Variants in KLRG1 observed in about 807,000 individuals in gnomAD.
The protein encoded by KLRG1 is killer cell lectin like receptor G1.
A neutral mutation model predicts 21.8 loss-of-function variants in KLRG1; 16 were observed. That is an observed-to-expected ratio of 0.73 (90% confidence interval 0.50 to 1.11). The LOEUF is 1.11. Ranked by LOEUF, KLRG1 falls within the 50% of genes most tolerant of loss-of-function variation. The pLI, the probability that KLRG1 is intolerant of heterozygous loss-of-function variation, is 0.00. For missense variants in KLRG1, 173 were observed against 218.3 expected, an observed-to-expected ratio of 0.79 and a Z score of 1.31; for synonymous variants, 69 against 75.9, an observed-to-expected ratio of 0.91 and a Z score of 0.47.
chr12:9,179,236 T>C, the KLRG1 span, among the ~76,000 whole-genome samples: 2 of 152,206 alleles, frequency 1.3e-5, no homozygotes, highest in African/African-American at 2.4e-5. Flanking sequence ...CCATATTAGA[T>C]ATCATTTTCT....
At chr12:9,153,669 G>C in the KLRG1 span, among the ~76,000 whole-genome samples, 1 of 152,192 alleles carries the variant, frequency 6.6e-6, no homozygotes, top group Non-Finnish European at 1.5e-5. Context: ...GTAGATGATT[G>C]ACCAGTTAGA....
chr12:9,158,221 CTG>C, the KLRG1 span, among the ~76,000 whole-genome samples: 1 of 152,226 alleles, frequency 6.6e-6, no homozygotes, highest in African/African-American at 2.4e-5. Context: ...TCCCAAAGTG[CTG>C]TGATTCTACG....
At chr12:9,021,723 A>G in the KLRG1 span, among the ~76,000 whole-genome samples, 11 of 152,280 alleles carry the variant, frequency 7.2e-5, no homozygotes, top group Non-Finnish European at 1.0e-4. Context: ...AAAACAAGAC[A>G]TAAGCATGCA....
At chr12:9,158,571 G>A in the KLRG1 span, 1 of 1,613,890 alleles carries the variant, frequency 6.2e-7, no homozygotes, top group African/African-American at 1.3e-5. Context: ...TACAAAAGCT[G>A]TGAGCCTAGG....
the KLRG1 span, among the ~76,000 whole-genome samples, chr12:9,122,728 T>G: frequency 6.6e-6 from 1 of 152,326 alleles, no homozygotes; most frequent in South Asian, 2.1e-4. Flanking sequence ...GAATATATTG[T>G]ATAAGGTATT....
At chr12:9,017,264 CAAAAAAAAAAAAAA>C in the KLRG1 span, among the ~76,000 whole-genome samples, 399 of 53,156 alleles carry the variant, frequency 7.5e-3, 5 homozygotes, top group African/African-American at 0.03. Flanking sequence ...AACTCCATCT[CAAAAAAAAAAAAAA>C]AAAAAAAAAA....
At chr12:9,152,738 A>G in the KLRG1 span, 3 of 1,390,072 alleles carry the variant, frequency 2.2e-6, no homozygotes, top group East Asian at 7.0e-5. Context: ...TAATCTAATA[A>G]CATAGCTTCC....
At chr12:9,068,094 A>C in the KLRG1 span, 4 of 1,439,680 alleles carry the variant, frequency 2.8e-6, no homozygotes, top group South Asian at 4.9e-5. Context: ...TTTTTGACAA[A>C]TATTTACCCA....
At chr12:9,051,271 A>G in the KLRG1 span, among the ~76,000 whole-genome samples, 270 of 152,234 alleles carry the variant, frequency 1.8e-3, 1 homozygote, top group African/African-American at 6.2e-3. Flanking sequence ...AGACGGGATT[A>G]CCAGCTGCAG....
chr12:9,114,526 T>G, the KLRG1 span, among the ~76,000 whole-genome samples: 1 of 152,148 alleles, frequency 6.6e-6, no homozygotes, highest in Non-Finnish European at 1.5e-5. Context: ...AAAAAATTCT[T>G]TTAATGGTCT....
chr12:9,111,926 AGTAAAT>A, the KLRG1 span: 1 of 663,756 alleles, frequency 1.5e-6, no homozygotes, highest in South Asian at 1.5e-5. Context: ...CCATCCGAAA[AGTAAAT>A]TTAATTGTGT....
chr12:9,169,739 T>A, the KLRG1 span: 1 of 690,112 alleles, frequency 1.4e-6, no homozygotes, highest in African/African-American at 1.9e-5. Flanking sequence ...AGATTTTCCT[T>A]ATATTTAACA....
the KLRG1 span, among the ~76,000 whole-genome samples, chr12:9,021,915 A>AT: frequency 1.1e-4 from 16 of 151,346 alleles, no homozygotes; most frequent in South Asian, 2.1e-4. Flanking sequence ...ACAGATAACT[A>AT]TTTTTTTTTC....
the KLRG1 span, among the ~76,000 whole-genome samples, chr12:9,199,873 G>T: frequency 6.6e-6 from 1 of 152,114 alleles, no homozygotes; most frequent in African/African-American, 2.4e-5. Context: ...GTTGTAGAGA[G>T]TTTGGAAAAA....
the KLRG1 span, among the ~76,000 whole-genome samples, chr12:9,088,786 G>T: frequency 6.6e-6 from 1 of 152,152 alleles, no homozygotes; most frequent in Non-Finnish European, 1.5e-5. Flanking sequence ...CTTTTCCTTT[G>T]GGAAATAGCA....
At chr12:8,950,568 G>A (rs754835277) in intron 1 of KLRG1, among the ~76,000 whole-genome samples, 1 of 152,212 alleles carries the variant, frequency 6.6e-6, no homozygotes, top group Non-Finnish European at 1.5e-5. Flanking sequence ...CTTGTACCTG[G>A]CTTTAGCATG....
the KLRG1 span, chr12:9,067,556 A>G: frequency 5.7e-6 from 3 of 524,284 alleles, no homozygotes; most frequent in Admixed American, 2.9e-5. Flanking sequence ...CAGTCCTTAC[A>G]TGAAGCCTAC....
the KLRG1 span, among the ~76,000 whole-genome samples, chr12:9,096,788 G>A: frequency 6.6e-6 from 1 of 152,120 alleles, no homozygotes; most frequent in African/African-American, 2.4e-5. Context: ...GTGGCATATT[G>A]CATAATTATT....
chr12:9,192,380 C>A, the KLRG1 span: 1 of 1,285,306 alleles, frequency 7.8e-7, no homozygotes, highest in South Asian at 1.3e-5. Flanking sequence ...CAAGAAAACT[C>A]ATGGAATGAA....
Sources: gnomAD v4.1 joint callset for allele counts (sites outside exome capture counted in the v4.1 genomes callset) on GRCh38, gnomAD v4.1.1 for gene constraint, MANE v1.5 for transcripts, NCBI Gene and HGNC (gene_info 2026-07-23, HGNC 2026-07-21) for gene names.